CNTNAP2: variants seen among roughly 807,000 people sequenced by gnomAD.
The protein encoded by CNTNAP2 is contactin associated protein 2, also known as contactin-associated protein-like 2.
In CNTNAP2, 98 loss-of-function variants were observed where a neutral mutation model predicts 155.2. The ratio of observed to expected loss-of-function variants is 0.63; its 90% CI spans 0.54 to 0.75. The LOEUF (loss-of-function observed/expected upper bound fraction) is 0.75. Among genes scored for constraint, CNTNAP2 ranks in the 30% least tolerant of loss-of-function variants. The pLI is 0.00. For missense variants in CNTNAP2, 1,727 were observed against 1,688.1 expected (o/e 1.02, Z -0.40); for synonymous variants, 651 against 631.2 (o/e 1.03, Z -0.47).
chr7:148,276,431 C>A (rs1796871324), intron 21 of CNTNAP2, among the ~76,000 whole-genome samples: 1 of 152,186 alleles, frequency 6.6e-6, no homozygotes, highest in Admixed American at 6.5e-5. Flanking sequence ...CAGGAGGAAG[C>A]CAGGGCATCT....
intron 11 of CNTNAP2, among the ~76,000 whole-genome samples, chr7:147,543,974 C>T (rs1799683943): frequency 6.6e-6 from 1 of 152,108 alleles, no homozygotes; most frequent in Non-Finnish European, 1.5e-5. Flanking sequence ...AAACACAAAG[C>T]TACCTGTTTT....
chr7:146,810,100 G>C (rs1032363081), intron 2 of CNTNAP2, among the ~76,000 whole-genome samples: 7 of 152,104 alleles, frequency 4.6e-5, no homozygotes, highest in Non-Finnish European at 1.0e-4. Context: ...TTATTGTGGA[G>C]ACATCTTTTT....
At chr7:147,081,643 T>C in intron 4 of CNTNAP2, 1 of 148,090 alleles carries the variant, frequency 6.8e-6, no homozygotes, top group Non-Finnish European at 1.5e-5. Flanking sequence ...TTAATAGAGA[T>C]GGGGTTTCAC....
chr7:146,644,327 C>T (rs547324192), intron 1 of CNTNAP2, among the ~76,000 whole-genome samples: 1 of 152,078 alleles, frequency 6.6e-6, no homozygotes, highest in East Asian at 1.9e-4. Flanking sequence ...GAGATATGTC[C>T]CATCAATACC....
At chr7:147,500,255 T>C (rs902153359) in intron 11 of CNTNAP2, among the ~76,000 whole-genome samples, 1 of 152,136 alleles carries the variant, frequency 6.6e-6, no homozygotes, top group East Asian at 1.9e-4. Flanking sequence ...AAATCAGTTA[T>C]TAAAACCTTA....
intron 3 of CNTNAP2, among the ~76,000 whole-genome samples, chr7:147,024,425 C>G (rs954689125): frequency 6.6e-6 from 1 of 151,938 alleles, no homozygotes; most frequent in Non-Finnish European, 1.5e-5. Context: ...ATGATTGTAC[C>G]GTATCGTGTA....
At chr7:146,190,637 C>T (rs371509634) in intron 1 of CNTNAP2, among the ~76,000 whole-genome samples, 1 of 152,102 alleles carries the variant, frequency 6.6e-6, no homozygotes, top group Non-Finnish European at 1.5e-5. Context: ...TAAAGAAACA[C>T]ATAAGAAGCA....
At chr7:146,373,793 T>C (rs1795269805) in intron 1 of CNTNAP2, among the ~76,000 whole-genome samples, 1 of 152,182 alleles carries the variant, frequency 6.6e-6, no homozygotes, top group South Asian at 2.1e-4. Context: ...AGATCCACAA[T>C]GGCTTCCAGA....
intron 12 of CNTNAP2, among the ~76,000 whole-genome samples, chr7:147,604,450 C>G (rs1801023406): frequency 6.6e-6 from 1 of 152,144 alleles, no homozygotes; most frequent in African/African-American, 2.4e-5. Flanking sequence ...GTGGGTGTAC[C>G]TTCCAGTTGG....
At chr7:148,089,127 G>T (rs1803791308) in intron 15 of CNTNAP2, among the ~76,000 whole-genome samples, 1 of 151,836 alleles carries the variant, frequency 6.6e-6, no homozygotes, top group South Asian at 2.1e-4. Flanking sequence ...CAAACACTCA[G>T]CAAATTAGGT....
chr7:147,695,581 C>T (rs536799098), intron 13 of CNTNAP2, among the ~76,000 whole-genome samples: 13 of 152,214 alleles, frequency 8.5e-5, no homozygotes, highest in African/African-American at 2.9e-4. Context: ...GGGTGGATCA[C>T]GAGGTCAGGA....
intron 1 of CNTNAP2, among the ~76,000 whole-genome samples, chr7:146,265,631 GT>G (rs1799983415): frequency 6.6e-6 from 1 of 151,464 alleles, no homozygotes; most frequent in African/African-American, 2.4e-5. Flanking sequence ...GCTAATTTTT[GT>G]ATTTTTTTAT....
chr7:148,395,283 C>T (rs1233008259), intron 22 of CNTNAP2, among the ~76,000 whole-genome samples: 4 of 151,182 alleles, frequency 2.6e-5, no homozygotes, highest in African/African-American at 9.7e-5. Flanking sequence ...GTTTGGCTCT[C>T]TCTCTTATTT....
chr7:146,906,989 G>C (rs1341844459), intron 3 of CNTNAP2, among the ~76,000 whole-genome samples: 2 of 149,352 alleles, frequency 1.3e-5, no homozygotes, highest in Non-Finnish European at 3.0e-5. Flanking sequence ...CAAGGCTCGA[G>C]AACTACGTGA....
intron 10 of CNTNAP2, among the ~76,000 whole-genome samples, chr7:147,418,669 A>T (rs775257815): frequency 1.3e-5 from 2 of 152,220 alleles, no homozygotes; most frequent in Non-Finnish European, 2.9e-5. Flanking sequence ...GCAAAAGGAA[A>T]AATATGGTCT....
chr7:148,400,926 G>A (rs1799569212), intron 22 of CNTNAP2, among the ~76,000 whole-genome samples: 1 of 151,724 alleles, frequency 6.6e-6, no homozygotes, highest in Admixed American at 6.6e-5. Context: ...GTTGCAGTGA[G>A]CTGAGATTGT....
chr7:146,722,882 G>T (rs1037674759), intron 1 of CNTNAP2, among the ~76,000 whole-genome samples: 2 of 152,070 alleles, frequency 1.3e-5, no homozygotes, highest in African/African-American at 2.4e-5. Context: ...GGGCATAGTG[G>T]TGGGCATCTC....
chr7:147,578,255 G>T (rs1355631916), intron 12 of CNTNAP2, among the ~76,000 whole-genome samples: 1 of 152,114 alleles, frequency 6.6e-6, no homozygotes, highest in Non-Finnish European at 1.5e-5. Flanking sequence ...GAAAGAAGTT[G>T]GCTTTGCAGG....
intron 13 of CNTNAP2, among the ~76,000 whole-genome samples, chr7:147,759,198 T>A (rs377041316): frequency 1.3e-4 from 20 of 152,170 alleles, no homozygotes; most frequent in African/African-American, 4.8e-4. Context: ...CTGATAGACA[T>A]AAAATTATTT....
Sources: allele counts gnomAD v4.1 joint callset (sites outside exome capture counted in the v4.1 genomes callset), GRCh38; gene constraint gnomAD v4.1.1; transcripts MANE v1.5; gene names NCBI Gene and HGNC (gene_info 2026-07-23, HGNC 2026-07-21).